The following PRKCA variants were observed in gnomAD, a reference collection of about 807,000 sequenced individuals.
PRKCA encodes protein kinase C alpha type.
Under a neutral mutation model 87.0 loss-of-function variants are expected in PRKCA, and 27 were observed. That is an observed-to-expected ratio of 0.31 (90% CI 0.23 to 0.43). The LOEUF is 0.43. PRKCA is among the 20% of genes least tolerant of loss of function. The pLI is 1.00. For missense variants in PRKCA, 518 were observed against 852.3 expected, an observed-to-expected ratio of 0.61 and a Z score of 4.88; for synonymous variants, 329 against 311.1, an observed-to-expected ratio of 1.06 and a Z score of -0.61.
intron 2 of PRKCA, among the ~76,000 whole-genome samples, chr17:66,347,704 C>T (rs886181229): frequency 1.1e-4 from 17 of 152,106 alleles, no homozygotes; most frequent in African/African-American, 3.6e-4. Context: ...ATTAGGAAGC[C>T]GTCAAGCTGA....
chr17:66,491,934 A>C (rs1916261697), intron 2 of PRKCA, among the ~76,000 whole-genome samples: 1 of 152,146 alleles, frequency 6.6e-6, no homozygotes, highest in African/African-American at 2.4e-5. Context: ...CCAACCTCCA[A>C]GCTCCTCTTT....
At chr17:66,374,106 C>T (rs575701005) in intron 2 of PRKCA, among the ~76,000 whole-genome samples, 1 of 152,170 alleles carries the variant, frequency 6.6e-6, no homozygotes, top group African/African-American at 2.4e-5. Flanking sequence ...GGAGGATGGG[C>T]CAGGGAGGGA....
chr17:66,560,628 T>A (rs1968649080), intron 3 of PRKCA, among the ~76,000 whole-genome samples: 1 of 152,162 alleles, frequency 6.6e-6, no homozygotes, highest in Admixed American at 6.5e-5. Flanking sequence ...AATTGTTGAG[T>A]GACTCAAAGG....
chr17:66,381,139 G>A (rs552245876), intron 2 of PRKCA, among the ~76,000 whole-genome samples: 3 of 152,004 alleles, frequency 2.0e-5, no homozygotes, highest in South Asian at 2.1e-4. Context: ...CTGGGGTCTC[G>A]CTATGTTGGC....
intron 2 of PRKCA, among the ~76,000 whole-genome samples, chr17:66,382,772 C>T (rs1345181646): frequency 2.0e-5 from 3 of 152,062 alleles, no homozygotes; most frequent in Non-Finnish European, 4.4e-5. Flanking sequence ...GGCTGGAGGG[C>T]TGCTACTGGC....
chr17:66,554,827 C>A (rs1259003866), intron 3 of PRKCA, among the ~76,000 whole-genome samples: 1 of 151,866 alleles, frequency 6.6e-6, no homozygotes, highest in Non-Finnish European at 1.5e-5. Context: ...TGTGTTGATG[C>A]CATCCCATTG....
chr17:66,717,904 C>T (rs1370570019), intron 8 of PRKCA, among the ~76,000 whole-genome samples: 1 of 152,276 alleles, frequency 6.6e-6, no homozygotes. Flanking sequence ...TTCCCGCCTC[C>T]GGGAGAAAAC....
At chr17:66,539,464 C>T (rs945377424) in intron 3 of PRKCA, among the ~76,000 whole-genome samples, 19 of 150,382 alleles carry the variant, frequency 1.3e-4, no homozygotes, top group African/African-American at 3.7e-4. Flanking sequence ...ATTGCAGTGG[C>T]GTGATCTCGG....
chr17:66,796,777 C>T (rs894320546), intron 16 of PRKCA: 11 of 985,256 alleles, frequency 1.1e-5, no homozygotes, highest in Non-Finnish European at 1.3e-5. Flanking sequence ...GAGAGCTGTG[C>T]AGATGGTGGC....
intron 3 of PRKCA, among the ~76,000 whole-genome samples, chr17:66,616,951 G>A (rs1325634386): frequency 1.3e-5 from 2 of 152,234 alleles, no homozygotes; most frequent in Admixed American, 1.3e-4. Flanking sequence ...TGGCTCAGCT[G>A]AAGGTTGGGT....
intron 8 of PRKCA, 52 bp from the exon 9 acceptor site, chr17:66,732,636 T>C: frequency 6.2e-7 from 1 of 1,611,504 alleles, no homozygotes; most frequent in Non-Finnish European, 8.5e-7. Context: ...TTTCTGTCAC[T>C]CTTTCCCCAG....
intron 2 of PRKCA, among the ~76,000 whole-genome samples, chr17:66,328,066 G>A (rs543391605): frequency 1.3e-5 from 2 of 152,332 alleles, no homozygotes; most frequent in South Asian, 4.1e-4. Context: ...CTCCTGAGAA[G>A]ATAACATTTT....
At chr17:66,324,708 T>C (rs1905875510) in intron 2 of PRKCA, among the ~76,000 whole-genome samples, 1 of 152,192 alleles carries the variant, frequency 6.6e-6, no homozygotes, top group African/African-American at 2.4e-5. Flanking sequence ...AATTAGGTAA[T>C]CTTGATTTGT....
At chr17:66,397,748 G>T (rs1225294395) in intron 2 of PRKCA, among the ~76,000 whole-genome samples, 2 of 152,036 alleles carry the variant, frequency 1.3e-5, no homozygotes. Context: ...TGTGTCATGG[G>T]GGGTGTGAGC....
intron 16 of PRKCA, among the ~76,000 whole-genome samples, chr17:66,799,351 G>A (rs1036917184): frequency 4.0e-5 from 5 of 125,282 alleles, no homozygotes; most frequent in Admixed American, 1.6e-4. Flanking sequence ...TGGTGGTGGT[G>A]GTGGTGGTGG....
intron 2 of PRKCA, among the ~76,000 whole-genome samples, chr17:66,413,225 C>A (rs1199397318): frequency 6.6e-6 from 1 of 152,186 alleles, no homozygotes; most frequent in African/African-American, 2.4e-5. Context: ...TCTACTAGGG[C>A]AGCTCACAGA....
intron 16 of PRKCA, among the ~76,000 whole-genome samples, chr17:66,795,854 G>A (rs1369870454): frequency 1.3e-5 from 2 of 152,176 alleles, no homozygotes; most frequent in African/African-American, 4.8e-5. Flanking sequence ...CCCATGATAA[G>A]CCAGAACCTT....
chr17:66,559,479 CAAA>C (rs34998780), intron 3 of PRKCA, among the ~76,000 whole-genome samples: 3 of 36,688 alleles, frequency 8.2e-5, no homozygotes, highest in African/African-American at 2.6e-4. Flanking sequence ...TCTGTCTCAC[CAAA>C]AAAAAAAAAA....
intron 3 of PRKCA, among the ~76,000 whole-genome samples, chr17:66,594,359 A>G (rs1036210589): frequency 2.0e-5 from 3 of 152,162 alleles, no homozygotes; most frequent in Non-Finnish European, 2.9e-5. Flanking sequence ...TAAATTTACC[A>G]ACTTTCGGCC....
Sources: allele counts gnomAD v4.1 joint callset (sites outside exome capture counted in the v4.1 genomes callset), GRCh38; gene constraint gnomAD v4.1.1; transcripts MANE v1.5; gene names NCBI Gene and HGNC (gene_info 2026-07-23, HGNC 2026-07-21).